The following NEGR1 variants were observed in gnomAD, a reference collection of about 807,000 sequenced individuals.
NEGR1 encodes neuronal growth regulator 1.
A neutral mutation model predicts 40.9 loss-of-function variants in NEGR1; 10 were observed. That is an observed-to-expected ratio of 0.24 (90% CI 0.15 to 0.42). The LOEUF is 0.42. Among genes scored for constraint, NEGR1 ranks in the 10% least tolerant of loss-of-function variants. The probability of loss-of-function intolerance (pLI) is 1.00; values close to 1 mark genes in which losing one functional copy is unlikely to be tolerated. For missense variants in NEGR1, 352 were observed against 438.9 expected (o/e 0.80, Z 1.77); for synonymous variants, 185 against 166.8 (o/e 1.11, Z -0.84).
At chr1:72,086,310 C>T (rs1035573209) in intron 1 of NEGR1, among the ~76,000 whole-genome samples, 2 of 152,164 alleles carry the variant, frequency 1.3e-5, no homozygotes, top group Non-Finnish European at 2.9e-5. Flanking sequence ...ACACCAGCCT[C>T]TCCTGAATTT....
chr1:71,764,461 T>C lies in NEGR1; in HGVS notation c.535+11711A>G, dbSNP rs138561853. ...CTTATTACTTGCAGTTTATTTTATG[T>C]TTATTTTAGACTATGGAAATGATGT... On this transcript the variant is annotated intron_variant, in intron 3 of 6. Coordinates refer to ENST00000357731, the MANE Select transcript of NEGR1 (RefSeq NM_173808.3). 2.6e-3 allele frequency among the ~76,000 whole-genome samples: 392 copies of C among 152,348 alleles called. 2 individuals are homozygous for C. The highest frequency in any genetic ancestry group is 3.8e-3 in the Non-Finnish European group (257 of 68,032).
At chr1:72,076,515 C>A (rs558656674) in intron 1 of NEGR1, among the ~76,000 whole-genome samples, 81 of 145,162 alleles carry the variant, frequency 5.6e-4, no homozygotes, top group Admixed American at 1.2e-3. Flanking sequence ...ATCCCCACCC[C>A]CCCTGCCTCA....
chr1:71,424,266 T>A (rs1646415724), intron 6 of NEGR1, among the ~76,000 whole-genome samples: 1 of 152,214 alleles, frequency 6.6e-6, no homozygotes. Flanking sequence ...GGCTCAGTTT[T>A]ATCTATTTGT....
At chr1:71,794,503 A>T (rs143799428) in intron 2 of NEGR1, 58 of 152,262 alleles carry the variant, frequency 3.8e-4, no homozygotes, top group African/African-American at 1.3e-3. Flanking sequence ...CAGTGTAGAA[A>T]GATTCAATCA....
chr1:71,430,309 C>T (rs573071939), intron 6 of NEGR1, among the ~76,000 whole-genome samples: 1 of 152,294 alleles, frequency 6.6e-6, no homozygotes, highest in Non-Finnish European at 1.5e-5. Context: ...CTATAAACCT[C>T]AGTTTGACCT....
At chr1:72,241,757 A>T (rs1351931715) in intron 1 of NEGR1, among the ~76,000 whole-genome samples, 1 of 151,692 alleles carries the variant, frequency 6.6e-6, no homozygotes, top group Non-Finnish European at 1.5e-5. Context: ...GTTACCTAGA[A>T]ATCACCCAAA....
chr1:71,973,617 T>C (rs1248495228), intron 1 of NEGR1, among the ~76,000 whole-genome samples: 3 of 152,202 alleles, frequency 2.0e-5, no homozygotes, highest in Non-Finnish European at 4.4e-5. Context: ...AATTATTTGA[T>C]TATGTAATTT....
chr1:71,865,697 C>G (rs985424392), intron 2 of NEGR1, among the ~76,000 whole-genome samples: 1 of 152,090 alleles, frequency 6.6e-6, no homozygotes, highest in Non-Finnish European at 1.5e-5. Context: ...ACATGTATAC[C>G]TATCTAACAA....
At chr1:71,850,677 T>C (rs1659573025) in intron 2 of NEGR1, among the ~76,000 whole-genome samples, 1 of 152,168 alleles carries the variant, frequency 6.6e-6, no homozygotes, top group African/African-American at 2.4e-5. Flanking sequence ...CTTTTGTTTT[T>C]CTTGTTAACT....
At chr1:72,144,163 G>C (rs1650818965) in intron 1 of NEGR1, among the ~76,000 whole-genome samples, 1 of 151,012 alleles carries the variant, frequency 6.6e-6, no homozygotes, top group South Asian at 2.1e-4. Context: ...GAATGTTCCA[G>C]AAACATACAA....
At chr1:72,001,695 A>G (rs1336340436) in intron 1 of NEGR1, among the ~76,000 whole-genome samples, 3 of 151,018 alleles carry the variant, frequency 2.0e-5, no homozygotes, top group Non-Finnish European at 2.9e-5. Flanking sequence ...CATCACATGC[A>G]ATCTTATAGA....
At chr1:71,982,774 C>T (rs1570577138) in intron 1 of NEGR1, among the ~76,000 whole-genome samples, 1 of 152,008 alleles carries the variant, frequency 6.6e-6, no homozygotes, top group Non-Finnish European at 1.5e-5. Context: ...GTGCCTGCCA[C>T]AAACATTAAT....
intron 6 of NEGR1, among the ~76,000 whole-genome samples, chr1:71,561,988 CT>C (rs1408732459): frequency 7.0e-6 from 1 of 143,852 alleles, no homozygotes; most frequent in Non-Finnish European, 1.5e-5. Context: ...ATTGCAATTC[CT>C]TTTTTAGAGG....
intron 6 of NEGR1, among the ~76,000 whole-genome samples, chr1:71,458,876 T>C (rs1517761): frequency 0.97 from 148,083 of 152,168 alleles, 72,197 homozygotes; most frequent in East Asian, 1. Flanking sequence ...GCCTCAGTAT[T>C]TCTTAGTTTC....
At chr1:71,688,366 T>TATATATATATATAAAA (rs1557613796) in intron 4 of NEGR1, among the ~76,000 whole-genome samples, 1 of 30,446 alleles carries the variant, frequency 3.3e-5, no homozygotes, top group African/African-American at 1.1e-4. Context: ...TATATATATA[T>TATATATATATATAAAA]GAGATATATA....
chr1:72,072,529 C>T (rs943032501), intron 1 of NEGR1, among the ~76,000 whole-genome samples: 4 of 152,036 alleles, frequency 2.6e-5, no homozygotes, highest in Non-Finnish European at 5.9e-5. Flanking sequence ...CTATAGCCAT[C>T]AATTATCTGG....
At chr1:71,692,018 G>T (rs1653300303) in intron 4 of NEGR1, among the ~76,000 whole-genome samples, 1 of 151,454 alleles carries the variant, frequency 6.6e-6, no homozygotes, top group Admixed American at 6.6e-5. Flanking sequence ...CCTTACGATT[G>T]GTTTATCAAA....
intron 6 of NEGR1, among the ~76,000 whole-genome samples, chr1:71,428,284 C>T (rs1200487638): frequency 2.0e-5 from 3 of 152,114 alleles, no homozygotes; most frequent in African/African-American, 4.8e-5. Context: ...GCATATGTGG[C>T]CTGTGGGCTG....
chr1:71,809,120 T>C lies in NEGR1; in HGVS notation c.410-32823A>G, dbSNP rs77451356. On this transcript the variant is annotated intron_variant, in intron 2 of 6. Coordinates refer to ENST00000357731, the MANE Select transcript of NEGR1 (RefSeq NM_173808.3). ...CGGGGGGGCACTGATAAGTGATGGA[T>C]ACACAGGAAAGAAAAATGGCTATCC... 1.9e-3 allele frequency among the ~76,000 whole-genome samples: 284 copies of C among 152,302 alleles called. 3 individuals carry two copies. The East Asian group carries it at 0.025, about 13-fold the overall frequency.
Sources: gnomAD v4.1 joint callset for allele counts (sites outside exome capture counted in the v4.1 genomes callset) on GRCh38, gnomAD v4.1.1 for gene constraint, MANE v1.5 for transcripts, NCBI Gene and HGNC (gene_info 2026-07-23, HGNC 2026-07-21) for gene names.